The following MAGI1 variants were observed in gnomAD, a reference collection of about 807,000 sequenced individuals.
MAGI1 encodes membrane-associated guanylate kinase, WW and PDZ domain-containing protein 1.
A neutral mutation model predicts 139.9 loss-of-function variants in MAGI1; 58 were observed. That is an observed-to-expected ratio of 0.41 (90% confidence interval 0.34 to 0.52). MAGI1 has a LOEUF of 0.52. Ranked by LOEUF, MAGI1 falls within the 20% of genes least tolerant of loss-of-function variation. The pLI, the probability that MAGI1 is intolerant of heterozygous loss-of-function variation, is 0.12. For synonymous variants in MAGI1, 812 were observed against 737.9 expected, an observed-to-expected ratio of 1.10 and a Z score of -1.63; for missense variants, 1,874 against 1,901.6, an observed-to-expected ratio of 0.99 and a Z score of 0.27.
chr3:65,903,193 T>C (rs1004074666), intron 1 of MAGI1, among the ~76,000 whole-genome samples: 10 of 152,178 alleles, frequency 6.6e-5, no homozygotes, highest in Non-Finnish European at 1.3e-4. Context: ...ACAGGGTCTC[T>C]ATGGTGCCCA....
intron 1 of MAGI1, among the ~76,000 whole-genome samples, chr3:66,026,758 T>C (rs1240621372): frequency 6.6e-6 from 1 of 151,974 alleles, no homozygotes; most frequent in Non-Finnish European, 1.5e-5. Flanking sequence ...GCAGAATTGC[T>C]TGAAAATATA....
chr3:65,596,767 A>T (rs564303189), intron 2 of MAGI1, among the ~76,000 whole-genome samples: 1 of 152,202 alleles, frequency 6.6e-6, no homozygotes, highest in African/African-American at 2.4e-5. Flanking sequence ...TTACAGAACC[A>T]GACAGGGAGA....
intron 1 of MAGI1, among the ~76,000 whole-genome samples, chr3:65,887,053 T>C (rs1196601403): frequency 6.6e-6 from 1 of 152,164 alleles, no homozygotes; most frequent in Non-Finnish European, 1.5e-5. Context: ...TTAAAATAAA[T>C]ATAAAATACT....
chr3:65,780,804 G>T (rs1318602327), intron 1 of MAGI1, among the ~76,000 whole-genome samples: 1 of 152,168 alleles, frequency 6.6e-6, no homozygotes, highest in East Asian at 1.9e-4. Flanking sequence ...AGAAGGAAAA[G>T]AATCTAGCCC....
chr3:65,723,768 C>T (rs2033311955), intron 1 of MAGI1, among the ~76,000 whole-genome samples: 1 of 152,192 alleles, frequency 6.6e-6, no homozygotes, highest in Admixed American at 6.5e-5. Flanking sequence ...TAAAAATGCA[C>T]ATCATAATCA....
intron 1 of MAGI1, among the ~76,000 whole-genome samples, chr3:65,888,277 T>C (rs1240850646): frequency 6.6e-6 from 1 of 152,138 alleles, no homozygotes; most frequent in Non-Finnish European, 1.5e-5. Flanking sequence ...CCCATCTCAA[T>C]AACTTTACAA....
intron 1 of MAGI1, among the ~76,000 whole-genome samples, chr3:65,882,730 C>T (rs568015371): frequency 9.9e-5 from 15 of 152,100 alleles, no homozygotes; most frequent in Non-Finnish European, 1.8e-4. Context: ...CTCAGGTGAT[C>T]AAGATCAGCC....
chr3:65,850,649 C>T (rs1165509359), intron 1 of MAGI1, among the ~76,000 whole-genome samples: 1 of 152,110 alleles, frequency 6.6e-6, no homozygotes, highest in Admixed American at 6.5e-5. Context: ...TCTGTTTTTA[C>T]AGGGGCACAC....
intron 2 of MAGI1, among the ~76,000 whole-genome samples, chr3:65,548,987 C>T (rs932596038): frequency 4.6e-5 from 7 of 152,192 alleles, no homozygotes; most frequent in Non-Finnish European, 8.8e-5. Context: ...GTAAACTGTA[C>T]TTCAAGGGAC....
intron 2 of MAGI1, among the ~76,000 whole-genome samples, chr3:65,529,521 G>A (rs2078540613): frequency 6.6e-6 from 1 of 152,172 alleles, no homozygotes; most frequent in South Asian, 2.1e-4. Context: ...CATGTAATGT[G>A]GCATGTATCG....
At chr3:65,620,773 G>A (rs1327572448) in intron 2 of MAGI1, among the ~76,000 whole-genome samples, 1 of 152,182 alleles carries the variant, frequency 6.6e-6, no homozygotes, top group Non-Finnish European at 1.5e-5. Flanking sequence ...CAACCTTGGG[G>A]CCCTGTCCCA....
At chr3:65,964,481 T>C (rs1234992872) in intron 1 of MAGI1, among the ~76,000 whole-genome samples, 1 of 150,522 alleles carries the variant, frequency 6.6e-6, no homozygotes, top group East Asian at 2.0e-4. Flanking sequence ...CCTTTCTTAT[T>C]GAGATAGAAA....
intron 1 of MAGI1, among the ~76,000 whole-genome samples, chr3:66,020,505 A>G (rs1229443335): frequency 6.6e-6 from 1 of 152,192 alleles, no homozygotes; most frequent in East Asian, 1.9e-4. Flanking sequence ...AAGGCTGTCC[A>G]TTACAGATAT....
intron 3 of MAGI1, among the ~76,000 whole-genome samples, chr3:65,492,696 C>G (rs963920196): frequency 3.5e-4 from 53 of 152,206 alleles, no homozygotes; most frequent in African/African-American, 1.3e-3. Flanking sequence ...ACACGCATGT[C>G]TGTATTGACA....
At chr3:65,637,821 C>G (rs1288265416) in intron 1 of MAGI1, among the ~76,000 whole-genome samples, 3 of 152,110 alleles carry the variant, frequency 2.0e-5, no homozygotes, top group South Asian at 2.1e-4. Flanking sequence ...TTCTATTGCT[C>G]TGGTTTATTG....
At chr3:65,376,750 T>C (rs530945303) in intron 17 of MAGI1, among the ~76,000 whole-genome samples, 39 of 152,320 alleles carry the variant, frequency 2.6e-4, no homozygotes, top group Non-Finnish European at 5.1e-4. Flanking sequence ...GCTGAGGACA[T>C]TGATCCAAAG....
chr3:65,751,309 G>C (rs1302904850), intron 1 of MAGI1, among the ~76,000 whole-genome samples: 1 of 152,146 alleles, frequency 6.6e-6, no homozygotes, highest in Non-Finnish European at 1.5e-5. Context: ...CTGGGCAATG[G>C]TGCACTGACA....
At chr3:65,869,714 A>G (rs1575778035) in intron 1 of MAGI1, among the ~76,000 whole-genome samples, 1 of 152,010 alleles carries the variant, frequency 6.6e-6, no homozygotes, top group East Asian at 1.9e-4. Flanking sequence ...CTGTTTTTTA[A>G]CTGATGTATT....
intron 2 of MAGI1, among the ~76,000 whole-genome samples, chr3:65,541,473 G>A (rs764836610): frequency 2.0e-5 from 3 of 152,096 alleles, no homozygotes; most frequent in Admixed American, 6.5e-5. Flanking sequence ...AACAAAAAAA[G>A]AAAATTTCAG....
Sources: allele counts gnomAD v4.1 joint callset (sites outside exome capture counted in the v4.1 genomes callset), GRCh38; gene constraint gnomAD v4.1.1; transcripts MANE v1.5; gene names NCBI Gene and HGNC (gene_info 2026-07-23, HGNC 2026-07-21).